The following BLTP1 variants were observed in gnomAD, a reference collection of about 807,000 sequenced individuals.
The protein encoded by BLTP1 is bridge-like lipid transfer protein family member 1.
chr4:122,312,745 T>C, the BLTP1 span: 1 of 620,248 alleles, frequency 1.6e-6, no homozygotes, highest in Non-Finnish European at 2.0e-6. Context: ...TTTTTCCCTT[T>C]TGAAATTTTT....
chr4:122,190,252 A>G, the BLTP1 span: 1 of 562,682 alleles, frequency 1.8e-6, no homozygotes, highest in Non-Finnish European at 2.3e-6. Flanking sequence ...ATATGCCACT[A>G]TGCCTGACTA....
the BLTP1 span, chr4:122,336,283 C>T: frequency 2.5e-6 from 4 of 1,612,460 alleles, no homozygotes; most frequent in Non-Finnish European, 3.4e-6. Context: ...TTATTAGTCC[C>T]TGCCTATTAG....
At chr4:122,336,932 T>C in the BLTP1 span, 1 of 1,611,822 alleles carries the variant, frequency 6.2e-7, no homozygotes, top group Non-Finnish European at 8.5e-7. Flanking sequence ...CCAGATCCTA[T>C]GGAAGAATCA....
the BLTP1 span, among the ~76,000 whole-genome samples, chr4:122,297,477 A>G: frequency 6.6e-6 from 1 of 152,248 alleles, no homozygotes; most frequent in Non-Finnish European, 1.5e-5. Context: ...TAGTTCAACC[A>G]TTGTAGAAGA....
the BLTP1 span, chr4:122,347,681 C>T: frequency 2.5e-6 from 4 of 1,613,838 alleles, no homozygotes; most frequent in Admixed American, 6.7e-5. Flanking sequence ...GAGCATATGA[C>T]AAACAGCACC....
At chr4:122,360,028 G>A in the BLTP1 span, 6 of 985,322 alleles carry the variant, frequency 6.1e-6, no homozygotes, top group African/African-American at 1.0e-4. Flanking sequence ...TCACCAAGAT[G>A]TTATTTTCAG....
chr4:122,305,329 A>C, the BLTP1 span: 1 of 962,398 alleles, frequency 1.0e-6, no homozygotes, highest in Non-Finnish European at 1.2e-6. Context: ...TTTCCTGTAG[A>C]ATATTAGCAA....
the BLTP1 span, chr4:122,152,352 T>G: frequency 5.1e-6 from 5 of 985,890 alleles, no homozygotes; most frequent in Non-Finnish European, 6.0e-6. Context: ...CGGCCTCGGT[T>G]GGGACCCCTC....
chr4:122,343,363 C>G, the BLTP1 span: 3 of 1,602,806 alleles, frequency 1.9e-6, no homozygotes, highest in East Asian at 6.7e-5. Context: ...ATTGACTGGC[C>G]TTTTTTTCTT....
the BLTP1 span, chr4:122,247,751 T>G: frequency 4.5e-5 from 46 of 1,011,778 alleles, no homozygotes; most frequent in Admixed American, 5.2e-5. Context: ...GTAATATTAA[T>G]CAAAACCAGA....
chr4:122,187,080 CTT>C, the BLTP1 span: 3 of 983,970 alleles, frequency 3.0e-6, no homozygotes, highest in Non-Finnish European at 2.4e-6. Flanking sequence ...TTAATAATAA[CTT>C]TGGCTGTCTT....
the BLTP1 span, among the ~76,000 whole-genome samples, chr4:122,191,966 GTTATA>G: frequency 6.6e-6 from 1 of 151,892 alleles, no homozygotes; most frequent in African/African-American, 2.4e-5. Context: ...TATATTACAT[GTTATA>G]TTTAATTACA....
At chr4:122,174,167 C>A in the BLTP1 span, 3 of 982,744 alleles carry the variant, frequency 3.1e-6, 1 homozygote, top group Non-Finnish European at 3.6e-6. Flanking sequence ...ACCTTTTAGT[C>A]GACATAAAAC....
the BLTP1 span, among the ~76,000 whole-genome samples, chr4:122,269,269 TAGAG>T: frequency 1.3e-5 from 2 of 151,614 alleles, no homozygotes; most frequent in Non-Finnish European, 2.9e-5. Context: ...AGGCTGTATA[TAGAG>T]ATATAGATTA....
the BLTP1 span, chr4:122,313,924 A>G: frequency 2.7e-6 from 1 of 373,444 alleles, no homozygotes; most frequent in Non-Finnish European, 3.7e-6. Flanking sequence ...AAAAGATTAA[A>G]ATGAATAAGA....
At chr4:122,329,908 C>T in the BLTP1 span, among the ~76,000 whole-genome samples, 1 of 151,766 alleles carries the variant, frequency 6.6e-6, no homozygotes, top group Non-Finnish European at 1.5e-5. Context: ...CCCCTGACAA[C>T]CACCATTCTA....
At chr4:122,349,013 C>G in the BLTP1 span, 5 of 671,198 alleles carry the variant, frequency 7.4e-6, no homozygotes, top group Non-Finnish European at 1.2e-5. This position sits in a 1 kb window ranked among gnomAD's most constrained non-coding sequence, Gnocchi z 4.5. Context: ...AAATATTTAC[C>G]ACACAGTTTT....
chr4:122,266,952 CAAG>C, the BLTP1 span: 10 of 1,547,682 alleles, frequency 6.5e-6, no homozygotes, highest in South Asian at 1.2e-4. Context: ...GGCAAAAGAG[CAAG>C]AAGGTGTCTT....
chr4:122,289,271 T>C, the BLTP1 span: 1 of 1,017,884 alleles, frequency 9.8e-7, no homozygotes, highest in East Asian at 2.7e-5. Flanking sequence ...ATATCTGTGG[T>C]ATAAGTATTG....
Sources: allele counts gnomAD v4.1 joint callset (sites outside exome capture counted in the v4.1 genomes callset), GRCh38; gene constraint gnomAD v4.1.1; non-coding constraint Gnocchi (gnomAD v3.1); transcripts MANE v1.5; gene names NCBI Gene and HGNC (gene_info 2026-07-23, HGNC 2026-07-21).